Variants in TENT5B observed in about 807,000 individuals in gnomAD.
TENT5B encodes family with sequence similarity 46 member B.
TENT5B carries 12 observed loss-of-function variants against 21.7 expected under a neutral mutation model. The observed-to-expected ratio is 0.55, with a 90% confidence interval of 0.36 to 0.90. TENT5B has a LOEUF of 0.90. TENT5B is among the 40% of genes least tolerant of loss of function. The pLI is 0.01. For synonymous variants in TENT5B, 262 were observed against 266.6 expected (o/e 0.98, Z 0.17); for missense variants, 540 against 601.5 (o/e 0.90, Z 1.07).
At chr1:27,008,455 G>A (rs2082610595) in intron 1 of TENT5B, among the ~76,000 whole-genome samples, 1 of 152,198 alleles carries the variant, frequency 6.6e-6, no homozygotes, top group Non-Finnish European at 1.5e-5. Context: ...GGAAGATATT[G>A]TCATGGCAAT....
chr1:27,012,317 G>C, intron 1 of TENT5B, 90 bp downstream of exon 1: 1 of 1,532,708 alleles, frequency 6.5e-7, no homozygotes, highest in Non-Finnish European at 8.8e-7. Context: ...TTCCCTAGCT[G>C]TCTAGAAAGT....
chr1:27,006,903 G>GC lies in TENT5B; in HGVS notation c.318dup (p.His107AlafsTer12). The GC allele has an allele frequency of 6.2e-7, 1 of 1,613,054 alleles. No individual in the cohort carries two copies. Among genetic ancestry groups the GC allele is most frequent in the Non-Finnish European group, 8.5e-7 (1 of 1,179,606 alleles). Reference sequence around the variant, plus strand: ...AGCACGTGGCTGGCAGCTGAACCATGCAGCCGCACACTGTGCACATGTAGT... The same window carrying GC: ...AGCACGTGGCTGGCAGCTGAACCATGCCAGCCGCACACTGTGCACATGTAGT... On this transcript the variant is annotated frameshift_variant, in exon 2 of 2. Coordinates refer to ENST00000289166, the MANE Select transcript of TENT5B (RefSeq NM_052943.4). LOFTEE classifies it high-confidence loss of function. The surrounding 1 kb of genome is among the most constrained non-coding windows in gnomAD (Gnocchi z 9.4).
chr1:27,005,824 A>G lies in TENT5B; in HGVS notation c.*120T>C. ...TCTGGTCTGTTCAATCAAAGGCCCAACCCTGCAGTGCTGGGCCTCCTGGCA... is the reference window on the plus strand; with the variant it reads ...TCTGGTCTGTTCAATCAAAGGCCCAGCCCTGCAGTGCTGGGCCTCCTGGCA... On this transcript the variant is annotated 3_prime_UTR_variant, in exon 2 of 2. Coordinates refer to ENST00000289166, the MANE Select transcript of TENT5B (RefSeq NM_052943.4). The G allele has an allele frequency of 7.4e-7, 1 of 1,353,418 alleles. No homozygotes were observed. Among genetic ancestry groups the G allele is most frequent in the Non-Finnish European group, 1.0e-6 (1 of 1,000,124 alleles). 83.8% of individuals were successfully genotyped at this position (1,353,418 alleles called of 1,614,324 possible).
chr1:27,007,073 T>A (rs1288397918), intron 1 of TENT5B, 116 bp from the exon 2 acceptor site: 3 of 401,752 alleles, frequency 7.5e-6, no homozygotes, highest in Non-Finnish European at 1.0e-5. Flanking sequence ...CCAGCTGTTA[T>A]GCCTTTGGAA....
chr1:27,012,585 G>T lies in TENT5B; in HGVS notation c.86C>A (p.Ala29Glu). ...GTCGGGGCCGCCGCCTGCCGGGGCTGCCGTGGCCACCGCCGTGGCCGCAGC... is the reference window on the plus strand; with the variant it reads ...GTCGGGGCCGCCGCCTGCCGGGGCTTCCGTGGCCACCGCCGTGGCCGCAGC... Reference protein sequence around the residue: ...GTAAATAVATAAPAGGGPDPE... With the variant: ...GTAAATAVATEAPAGGGPDPE... Residue 29 changes from alanine to glutamate, a missense_variant, in exon 1 of 2, where the codon GCA (alanine) becomes GAA (glutamate). Ala to Glu is a moderately radical substitution (Grantham distance 107, BLOSUM62 -1). Coordinates refer to ENST00000289166, the MANE Select transcript of TENT5B (RefSeq NM_052943.4). 1 of 1,536,662 alleles carries T rather than the reference G, an allele frequency of 6.5e-7. No individual in the cohort carries two copies.
Position 27,012,715 on chromosome 1 carries a change from T to C in TENT5B, c.-45A>G. The C allele has an allele frequency of 7.0e-7, 1 of 1,436,062 alleles. No individual in the cohort carries two copies. 89.0% of individuals were successfully genotyped at this position (1,436,062 alleles called of 1,614,324 possible). On this transcript the variant is annotated 5_prime_UTR_variant, in exon 1 of 2. Transcript: ENST00000289166. ...CGACGGCAGAAACCGTGGGGGTGGTTAAGGGGAGGAGGACAGGGAGAGCGG... is the reference window on the plus strand; with the variant it reads ...CGACGGCAGAAACCGTGGGGGTGGTCAAGGGGAGGAGGACAGGGAGAGCGG...
intron 1 of TENT5B, among the ~76,000 whole-genome samples, chr1:27,011,051 T>C (rs2082621540): frequency 6.6e-6 from 1 of 152,132 alleles, no homozygotes; most frequent in South Asian, 2.1e-4. Flanking sequence ...GCCACAATCC[T>C]GGAGGTGCAG....
Position 27,005,792 on chromosome 1 carries a change from G to T in TENT5B, c.*152C>A, listed in dbSNP as rs1027843074. On this transcript the variant is annotated 3_prime_UTR_variant, in exon 2 of 2. Transcript: ENST00000289166. The stretch of plus-strand genomic sequence containing the variant: ...TTAAGCCCACAGGGGCCTCGTGCTC[G>T]GGAAAGTCTGGTCTGTTCAATCAAA... 4 of 1,057,430 alleles carry T rather than the reference G, an allele frequency of 3.8e-6. No homozygotes were observed. The highest frequency in any genetic ancestry group is 6.6e-4 in the Middle Eastern group (2 of 3,050). 65.5% of individuals were successfully genotyped at this position (1,057,430 alleles called of 1,614,324 possible).
intron 1 of TENT5B, among the ~76,000 whole-genome samples, chr1:27,008,689 C>T (rs1303150322): frequency 6.6e-6 from 1 of 152,004 alleles, no homozygotes; most frequent in Non-Finnish European, 1.5e-5. Flanking sequence ...GCAACCTCCG[C>T]CTCCCAGGTT....
rs138542880 is a variant in TENT5B, at chr1:27,012,479, C to T, written c.192G>A (p.Leu64=). The T allele has an allele frequency of 5.7e-5, 91 of 1,610,368 alleles. No individual in the cohort carries two copies. Among genetic ancestry groups the T allele is most frequent in the Non-Finnish European group, 7.7e-5 (91 of 1,179,500 alleles). ...WPQVKRLDAL[L]SEPIPIHGRG... Reference sequence around the variant, plus strand: ...GCCCGTGAATGGGAATCGGCTCGCTCAGAAGAGCGTCCAGTCGCTTCACCT... The same window carrying T: ...GCCCGTGAATGGGAATCGGCTCGCTTAGAAGAGCGTCCAGTCGCTTCACCT... The change falls in exon 1 of 2, where the codon CTG becomes CTA. Residue 64 remains leucine (L), a synonymous_variant. Coordinates refer to ENST00000289166, the MANE Select transcript of TENT5B (RefSeq NM_052943.4).
rs542614118 is a variant in TENT5B at position 27,012,735 on chromosome 1, G to A, written c.-65C>T. ...GTGGTTAAGGGGAGGAGGACAGGGA[G>A]AGCGGCTGGGCAGGGGCCAAGGCGG... On this transcript the variant is annotated 5_prime_UTR_variant, in exon 1 of 2. Coordinates refer to ENST00000289166, the MANE Select transcript of TENT5B (RefSeq NM_052943.4). 4.8e-5 allele frequency: 68 copies of A among 1,406,258 alleles called. No individual in the cohort carries two copies. In the African/African-American group the frequency reaches 6.3e-4, roughly 13 times the overall value. The allele number at this position is 1,406,258 out of a possible 1,614,324, so 87.1% of individuals were successfully genotyped here.
In TENT5B at chr1:27,006,208, G is replaced by C. The variant is rs1405143785; in HGVS notation, c.1014C>G (p.Arg338=). ...GCAGTGTCACCAGGCAGGCGTAACG[G>C]CGGGCTGCATCTGCCCCACCGAAGT... is the stretch of plus-strand genomic sequence containing the variant. The part of the protein sequence containing the change: ...EAHFGGADAA[R]RYACLVTLHR... Residue 338 remains arginine, a synonymous_variant, in exon 2 of 2, where the codon CGC becomes CGG. Transcript: ENST00000289166. The surrounding 1 kb of genome is among the most constrained non-coding windows in gnomAD (Gnocchi z 9.4). 3 of 1,609,420 alleles carry C rather than the reference G, an allele frequency of 1.9e-6. No individual in the cohort carries two copies. In the African/African-American group the frequency reaches 4.0e-5, roughly 21 times the overall value.
Position 27,012,749 on chromosome 1 carries a change from G to A in TENT5B, c.-79C>T. The A allele has an allele frequency of 2.2e-6, 3 of 1,376,640 alleles. No individual in the cohort carries two copies. Among genetic ancestry groups the A allele is most frequent in the South Asian group, 1.6e-5 (1 of 61,102 alleles). The allele number at this position is 1,376,640 out of a possible 1,614,324, so 85.3% of individuals were successfully genotyped here. On this transcript the variant is annotated 5_prime_UTR_variant, in exon 1 of 2. Transcript: ENST00000289166. Reference sequence around the variant, plus strand: ...GAGGACAGGGAGAGCGGCTGGGCAGGGGCCAAGGCGGGGGGCACGAAGGCA... The same window carrying A: ...GAGGACAGGGAGAGCGGCTGGGCAGAGGCCAAGGCGGGGGGCACGAAGGCA...
intron 1 of TENT5B, among the ~76,000 whole-genome samples, chr1:27,009,117 C>T (rs925770011): frequency 6.7e-6 from 1 of 149,670 alleles, no homozygotes; most frequent in Non-Finnish European, 1.5e-5. Flanking sequence ...CAGGTGCGTG[C>T]GTGCCACCAC....
At position 27,006,160 on chromosome 1, in the gene TENT5B, G is replaced by A. The variant is rs750008706; in HGVS notation, c.1062C>T (p.Thr354=). The part of the protein sequence containing the change: ...VTLHRVVNES[T]VCLMNHERRQ... ...GGCGCTCGTGGTTCATGAGGCACAC[G>A]GTGCTCTCGTTGACCACCCGGTGCA... The change falls in exon 2 of 2, where the codon ACC becomes ACT. Residue 354 remains threonine, a synonymous_variant. Coordinates refer to ENST00000289166, the MANE Select transcript of TENT5B (RefSeq NM_052943.4). This position sits in a 1 kb window ranked among gnomAD's most constrained non-coding sequence, Gnocchi z 9.4. 36 of 1,610,450 alleles carry A rather than the reference G, an allele frequency of 2.2e-5. No homozygotes were observed. Among genetic ancestry groups the A allele is most frequent in the South Asian group, 4.4e-5 (4 of 90,808 alleles).
rs1263569806 is a variant in TENT5B, at chr1:27,006,172, G to T, written c.1050C>A (p.Val350=). 1.2e-6 allele frequency: 2 copies of T among 1,611,188 alleles called. No homozygotes were observed. The highest frequency in any genetic ancestry group is 1.1e-5 in the South Asian group (1 of 90,852). Reference sequence around the variant, plus strand: ...TCATGAGGCACACGGTGCTCTCGTTGACCACCCGGTGCAGTGTCACCAGGC... The same window carrying T: ...TCATGAGGCACACGGTGCTCTCGTTTACCACCCGGTGCAGTGTCACCAGGC... ...YACLVTLHRV[V]NESTVCLMNH... The change falls in exon 2 of 2, where the codon GTC becomes GTA. Residue 350 remains valine, a synonymous_variant. Transcript: ENST00000289166. This position sits in a 1 kb window ranked among gnomAD's most constrained non-coding sequence, Gnocchi z 9.4.
In TENT5B at chr1:27,006,406, C is replaced by T. The variant is rs771678908; in HGVS notation, c.816G>A (p.Glu272=). 1.9e-6 allele frequency: 3 copies of T among 1,613,394 alleles called. No homozygotes were observed. Among genetic ancestry groups the T allele is most frequent in the Non-Finnish European group, 2.5e-6 (3 of 1,179,876 alleles). ...TGAGGAGGCCACCACCTCGGATCTC[C>T]TCGGGACTGCGCGTGGCGATGACAC... is the stretch of plus-strand genomic sequence containing the variant. ...RHRVIATRSP[E]EIRGGGLLKY... is the part of the protein sequence containing the mutation. Residue 272 remains glutamate (E), a synonymous_variant, in exon 2 of 2, where the codon GAG becomes GAA. Transcript: ENST00000289166. The surrounding 1 kb of genome is among the most constrained non-coding windows in gnomAD (Gnocchi z 9.4).
chr1:27,005,141 C>T lies in TENT5B; in HGVS notation c.*803G>A, dbSNP rs1375101386. On this transcript the variant is annotated 3_prime_UTR_variant, in exon 2 of 2. Coordinates refer to ENST00000289166, the MANE Select transcript of TENT5B (RefSeq NM_052943.4). ...CCCATGTGAGAGCCCTGTAACCAAG[C>T]CAGTGGGGTGGGAACGTTGACTTGA... The T allele has an allele frequency of 6.6e-6, 1 of 152,656 alleles. No individual in the cohort carries two copies. The highest frequency in any genetic ancestry group is 1.5e-5 in the Non-Finnish European group (1 of 68,088). The allele number at this position is 152,656 out of a possible 1,614,324, so 9.5% of individuals were successfully genotyped here.
chr1:27,012,389 C>A lies in TENT5B; in HGVS notation c.264+18G>T. ...TCAGAAGGGATTCCCCCACATCCCC[C>A]GCCTGGCGTCCTCTCACCTGCACGA... On this transcript the variant is annotated intron_variant, in intron 1 of 1. Coordinates refer to ENST00000289166, the MANE Select transcript of TENT5B (RefSeq NM_052943.4). 6.2e-7 allele frequency: 1 copy of A among 1,607,132 alleles called. No homozygotes were observed. Among genetic ancestry groups the A allele is most frequent in the East Asian group, 2.2e-5 (1 of 44,668 alleles).
Sources: allele counts gnomAD v4.1 joint callset (sites outside exome capture counted in the v4.1 genomes callset), GRCh38; gene constraint gnomAD v4.1.1; non-coding constraint Gnocchi (gnomAD v3.1); transcripts MANE v1.5; gene names NCBI Gene and HGNC (gene_info 2026-07-23, HGNC 2026-07-21).